Variants in XPO6 observed in about 807,000 individuals in gnomAD.
XPO6 encodes exportin 6.
In XPO6, 3 loss-of-function variants were observed where a neutral mutation model predicts 130.0. That is an observed-to-expected ratio of 0.02 (90% CI 0.01 to 0.06). The LOEUF (loss-of-function observed/expected upper bound fraction) is 0.06, where lower values mean the gene tolerates loss of function less well. XPO6 is among the 10% of genes least tolerant of loss of function. XPO6 has a pLI of 1.00. For synonymous variants in XPO6, 524 were observed against 548.9 expected (o/e 0.95, Z 0.63); for missense variants, 970 against 1,393.0 (o/e 0.70, Z 4.83).
At chr16:28,100,334 T>C (rs917177730) in intron 23 of XPO6, among the ~76,000 whole-genome samples, 6 of 152,222 alleles carry the variant, frequency 3.9e-5, no homozygotes, top group African/African-American at 1.4e-4. Flanking sequence ...AAAAGTTGAC[T>C]GATATTGATG....
At chr16:28,154,844 GA>G (rs1421237403) in intron 7 of XPO6, among the ~76,000 whole-genome samples, 5 of 151,848 alleles carry the variant, frequency 3.3e-5, no homozygotes, top group Non-Finnish European at 7.4e-5. Context: ...AGATAGACAT[GA>G]GACACACAGA....
rs969289531 is a variant in XPO6, at chr16:28,153,337, A to G, written c.1098-552T>C. 7.1e-6 allele frequency: 7 copies of G among 985,578 alleles called. No individual in the cohort carries two copies. The African/African-American group carries it at 8.7e-5, about 12-fold the overall frequency. The allele number at this position is 985,578 out of a possible 1,614,324, so 61.1% of individuals were successfully genotyped here. ...CAATACTCTAAAAGTGATTTCAAAT[A>G]TAAGGGAGGAAGGCTATTAGAACTG... On this transcript the variant is annotated intron_variant, in intron 7 of 23. Transcript: ENST00000304658.
chr16:28,106,117 C>A lies in XPO6; in HGVS notation c.2710G>T (p.Gly904Cys). 6.2e-7 allele frequency: 1 copy of A among 1,614,234 alleles called. No homozygotes were observed. Among genetic ancestry groups the A allele is most frequent in the Non-Finnish European group, 8.5e-7 (1 of 1,180,048 alleles). ...GGGAGGAAGGGCTTGAACACCTGGC[C>A]TGGCTCCTGGACCACCACCTGCAGG... ...KILQVVVQEP[G>C]QVFKPFLPSI... Residue 904 changes from glycine to cysteine, a missense_variant, in exon 20 of 24, where the codon GGC becomes TGC. Physicochemically the swap from Gly to Cys is radical, Grantham distance 159. This residue lies in a region of XPO6 where 936 missense variants were observed against 1,306.8 expected (regional missense o/e 0.72). Transcript: ENST00000304658. The surrounding 1 kb of genome is among the most constrained non-coding windows in gnomAD (Gnocchi z 4.2).
At chr16:28,167,243 T>C (rs1247976497) in intron 5 of XPO6, 1 of 985,338 alleles carries the variant, frequency 1.0e-6, no homozygotes, top group Non-Finnish European at 1.2e-6. Flanking sequence ...CAGACCTGCA[T>C]GTCCACCTGC....
intron 13 of XPO6, among the ~76,000 whole-genome samples, chr16:28,123,402 G>C (rs971750999): frequency 6.6e-6 from 1 of 152,044 alleles, no homozygotes; most frequent in Non-Finnish European, 1.5e-5. Context: ...CACCACGCCT[G>C]GAGTTGAAAG....
chr16:28,166,583 T>C lies in XPO6; in HGVS notation c.568A>G (p.Ile190Val), dbSNP rs771844319. 4 of 1,582,740 alleles carry C rather than the reference T, an allele frequency of 2.5e-6. No individual in the cohort carries two copies. Among genetic ancestry groups the C allele is most frequent in the Non-Finnish European group, 3.4e-6 (4 of 1,162,700 alleles). ...VQTVLGLLTG[I>V]LETVWDKHSV... ...TGTTTGTCCCAGACAGTCTCCAAGA[T>C]ACCTACCAAGAAAGGAGAAACAGAG... Residue 190 changes from isoleucine (I) to valine (V), a missense_variant and splice_region_variant, in exon 6 of 24, where the codon ATC (isoleucine) becomes GTC (valine). This residue lies in a region of XPO6 where 936 missense variants were observed against 1,306.8 expected (regional missense o/e 0.72). Transcript: ENST00000304658.
At chr16:28,125,621 C>G in intron 13 of XPO6, 68 bp downstream of exon 13, 1 of 1,552,982 alleles carries the variant, frequency 6.4e-7, no homozygotes, top group East Asian at 2.3e-5. Context: ...AATATGCTGC[C>G]CCTCACACAA....
At chr16:28,188,671 CAAAAAAAA>C (rs144107071) in intron 1 of XPO6, among the ~76,000 whole-genome samples, 1 of 65,660 alleles carries the variant, frequency 1.5e-5, no homozygotes, top group African/African-American at 5.7e-5. Flanking sequence ...TTCACCACTG[CAAAAAAAA>C]AAAAAAAAAA....
At chr16:28,175,418 C>A (rs1250218923) in intron 4 of XPO6, among the ~76,000 whole-genome samples, 1 of 152,180 alleles carries the variant, frequency 6.6e-6, no homozygotes, top group Non-Finnish European at 1.5e-5. Context: ...CCTGGCCTGG[C>A]CTCTGCCCAT....
chr16:28,134,020 T>C (rs2042727590), intron 10 of XPO6, 87 bp from the exon 11 acceptor site: 1 of 1,362,480 alleles, frequency 7.3e-7, no homozygotes, highest in Non-Finnish European at 1.0e-6. Flanking sequence ...ACATAAAATT[T>C]TGAAGAAATG....
chr16:28,138,992 G>A (rs956040957), intron 9 of XPO6, among the ~76,000 whole-genome samples: 1 of 152,162 alleles, frequency 6.6e-6, no homozygotes, highest in Non-Finnish European at 1.5e-5. Flanking sequence ...CTCTAAAACA[G>A]CTATAATAAC....
chr16:28,167,168 C>G, intron 5 of XPO6: 1 of 985,424 alleles, frequency 1.0e-6, no homozygotes, highest in South Asian at 4.7e-5. Context: ...CCAAACTCAC[C>G]TTGACTATAT....
intron 8 of XPO6, among the ~76,000 whole-genome samples, chr16:28,149,951 C>G (rs568077277): frequency 2.0e-5 from 3 of 152,272 alleles, no homozygotes; most frequent in African/African-American, 7.2e-5. Context: ...GAACTTAAAG[C>G]TGTCTCTTGA....
intron 5 of XPO6, 142 bp downstream of exon 5, chr16:28,169,608 T>C (rs531529292): frequency 5.1e-6 from 5 of 979,594 alleles, no homozygotes; most frequent in East Asian, 2.4e-5. Flanking sequence ...CCCTGGGCTA[T>C]AGGTGTTGGG....
Position 28,101,912 on chromosome 16 carries a change from G to T in XPO6, c.2980C>A (p.His994Asn), listed in dbSNP as rs1191312297. Residue 994 changes from histidine (H) to asparagine (N), a missense_variant, in exon 22 of 24, where the codon CAC becomes AAC. His to Asn is a moderately conservative substitution (Grantham distance 68). Transcript: ENST00000304658. This position sits in a 1 kb window ranked among gnomAD's most constrained non-coding sequence, Gnocchi z 5.4. ...FGQSFLQPDI[H>N]LFKQNLFYLE... ...TAGAAGAGATTTTGTTTAAAAAGGT[G>T]GATGTCGGGCTGGAGAAAGGACTGT... 2 of 1,614,080 alleles carry T rather than the reference G, an allele frequency of 1.2e-6. No homozygotes were observed. The highest frequency in any genetic ancestry group is 2.7e-5 in the African/African-American group (2 of 75,018).
intron 2 of XPO6, among the ~76,000 whole-genome samples, chr16:28,180,548 C>A (rs1293528745): frequency 2.0e-5 from 3 of 152,032 alleles, no homozygotes; most frequent in Admixed American, 2.0e-4. Flanking sequence ...CTTTAAATAA[C>A]CATCCAGGTG....
At chr16:28,158,711 G>A (rs896474362) in intron 6 of XPO6, among the ~76,000 whole-genome samples, 5 of 152,100 alleles carry the variant, frequency 3.3e-5, no homozygotes, top group Admixed American at 6.5e-5. Context: ...TGTAATCAGG[G>A]AACTTGTCAG....
rs201955217 is a variant in XPO6 at position 28,136,970 on chromosome 16, C to CT, written c.1335-1647dup. Among the ~76,000 whole-genome samples the CT allele has an allele frequency of 4.5e-3, 688 of 152,362 alleles. 7 individuals carry two copies. Among genetic ancestry groups the CT allele is most frequent in the African/African-American group, 0.016 (668 of 41,594 alleles). ...CTGTTAGGTTCTGCCAGCAGGGACA[C>CT]TGGAGGGAGACTGGAAGGCAGAAGG... is the stretch of plus-strand genomic sequence containing the variant. On this transcript the variant is annotated intron_variant, in intron 9 of 23. Transcript: ENST00000304658.
chr16:28,208,413 C>A (rs543573819), intron 1 of XPO6, among the ~76,000 whole-genome samples: 1 of 152,210 alleles, frequency 6.6e-6, no homozygotes, highest in South Asian at 2.1e-4. Context: ...TGTAAGACAC[C>A]AGCCAGGCAA....
Sources: allele counts gnomAD v4.1 joint callset (sites outside exome capture counted in the v4.1 genomes callset), GRCh38; gene constraint gnomAD v4.1.1; regional missense constraint gnomAD v4.1.1; non-coding constraint Gnocchi (gnomAD v3.1); transcripts MANE v1.5; gene names NCBI Gene and HGNC (gene_info 2026-07-23, HGNC 2026-07-21).